ZMYND11: variants seen among roughly 807,000 people sequenced by gnomAD.
ZMYND11 encodes the protein zinc finger MYND domain-containing protein 11.
ZMYND11 carries 9 observed loss-of-function variants against 84.9 expected under a neutral mutation model. The observed-to-expected ratio is 0.11, with a 90% confidence interval of 0.06 to 0.18. The LOEUF (loss-of-function observed/expected upper bound fraction) is 0.18. Ranked by LOEUF, ZMYND11 falls within the 10% of genes least tolerant of loss-of-function variation. The pLI is 1.00. For missense variants in ZMYND11, 409 were observed against 761.0 expected, an observed-to-expected ratio of 0.54 and a Z score of 5.44; for synonymous variants, 250 against 244.1, an observed-to-expected ratio of 1.02 and a Z score of -0.23.
chr10:215,783 C>T (rs561097336), intron 3 of ZMYND11, among the ~76,000 whole-genome samples: 51 of 152,156 alleles, frequency 3.4e-4, no homozygotes, highest in Non-Finnish European at 6.8e-4. Flanking sequence ...GTCTTGAACT[C>T]CTGGCTTCAA....
intron 1 of ZMYND11, among the ~76,000 whole-genome samples, chr10:174,210 C>T (rs1424646061): frequency 3.3e-5 from 5 of 152,086 alleles, no homozygotes; most frequent in Admixed American, 3.3e-4. Context: ...GAATGTTATT[C>T]AGTACTAAAA....
chr10:184,892 T>G (rs1220843580), intron 2 of ZMYND11, among the ~76,000 whole-genome samples: 1 of 137,562 alleles, frequency 7.3e-6, no homozygotes, highest in Non-Finnish European at 1.6e-5. Context: ...TTCTCCATCT[T>G]TTCCCCGTTT....
chr10:182,666 A>G (rs1294382327), intron 2 of ZMYND11, among the ~76,000 whole-genome samples: 1 of 152,152 alleles, frequency 6.6e-6, no homozygotes, highest in African/African-American at 2.4e-5. Flanking sequence ...CACATTTGTC[A>G]TTGTTTCCCT....
intron 2 of ZMYND11, among the ~76,000 whole-genome samples, chr10:189,522 T>G (rs1409674524): frequency 6.6e-6 from 1 of 151,688 alleles, no homozygotes; most frequent in Non-Finnish European, 1.5e-5. Context: ...CTATATTGAT[T>G]GTTTCTTACA....
intron 2 of ZMYND11, among the ~76,000 whole-genome samples, chr10:201,440 C>G (rs1943121686): frequency 6.6e-6 from 1 of 152,100 alleles, no homozygotes; most frequent in African/African-American, 2.4e-5. Context: ...CCAATATATT[C>G]ATTTCAAATG....
At chr10:174,193 G>C (rs1554766379) in intron 1 of ZMYND11, among the ~76,000 whole-genome samples, 1 of 152,148 alleles carries the variant, frequency 6.6e-6, no homozygotes, top group Non-Finnish European at 1.5e-5. Flanking sequence ...GTTATATGCA[G>C]CCAGTGGAAT....
rs577385222 is a variant in ZMYND11 at position 210,118 on chromosome 10, C to G, written c.276+70C>G. On this transcript the variant is annotated intron_variant, in intron 3 of 14. Transcript: ENST00000381604. ...CTTTTAAACATTATTTAGATACAAC[C>G]TATAGAAAATCATTTTCAGAAGTTT... 7.3e-6 allele frequency: 11 copies of G among 1,499,306 alleles called. No homozygotes were observed. In the Admixed American group the frequency reaches 1.2e-4, roughly 16 times the overall value. The allele number at this position is 1,499,306 out of a possible 1,614,324, so 92.9% of individuals were successfully genotyped here.
chr10:216,685 T>A (rs1036297755), intron 3 of ZMYND11, among the ~76,000 whole-genome samples: 5 of 152,204 alleles, frequency 3.3e-5, no homozygotes. Context: ...ATTTAAACTA[T>A]AATATACTTA....
chr10:161,176 C>A (rs1554761730), intron 1 of ZMYND11, among the ~76,000 whole-genome samples: 2 of 152,018 alleles, frequency 1.3e-5, no homozygotes, highest in Non-Finnish European at 2.9e-5. Flanking sequence ...ATGTTAGCCA[C>A]ATGAAAATAA....
chr10:211,401 A>G (rs1005385383), intron 3 of ZMYND11, among the ~76,000 whole-genome samples: 8 of 152,272 alleles, frequency 5.3e-5, no homozygotes, highest in Middle Eastern at 6.8e-3. Flanking sequence ...TAAAAATGAC[A>G]TAGAATCTTA....
chr10:229,722 G>C (rs1589120669), intron 4 of ZMYND11, among the ~76,000 whole-genome samples: 1 of 152,194 alleles, frequency 6.6e-6, no homozygotes, highest in Non-Finnish European at 1.5e-5. Flanking sequence ...GATTTTCACT[G>C]ATGGGCTACT....
At chr10:162,868 T>C (rs1843219650) in intron 1 of ZMYND11, among the ~76,000 whole-genome samples, 2 of 152,180 alleles carry the variant, frequency 1.3e-5, no homozygotes, top group Non-Finnish European at 2.9e-5. Flanking sequence ...GCCCCTTTCC[T>C]AAGCCTGGTC....
chr10:200,344 A>T (rs1311014047), intron 2 of ZMYND11, among the ~76,000 whole-genome samples: 3 of 145,876 alleles, frequency 2.1e-5, no homozygotes, highest in Non-Finnish European at 4.5e-5. Flanking sequence ...TATATAACAT[A>T]TATACATATA....
chr10:151,326 A>G (rs1458590906), intron 1 of ZMYND11, among the ~76,000 whole-genome samples: 2 of 152,234 alleles, frequency 1.3e-5, no homozygotes, highest in Non-Finnish European at 2.9e-5. Context: ...AAAAAAGATT[A>G]GACGGATGGC....
chr10:208,123 T>G (rs983187649), intron 2 of ZMYND11, among the ~76,000 whole-genome samples: 26 of 152,314 alleles, frequency 1.7e-4, no homozygotes, highest in Non-Finnish European at 3.5e-4. Context: ...GATCCCTTCC[T>G]TACACCTTAT....
At chr10:138,412 C>G (rs949282988) in intron 1 of ZMYND11, among the ~76,000 whole-genome samples, 1 of 152,046 alleles carries the variant, frequency 6.6e-6, no homozygotes, top group East Asian at 1.9e-4. Flanking sequence ...CCACCGCACC[C>G]GGCCCTGTTG....
intron 2 of ZMYND11, among the ~76,000 whole-genome samples, chr10:189,426 C>G (rs1939709406): frequency 6.6e-6 from 1 of 152,152 alleles, no homozygotes; most frequent in South Asian, 2.1e-4. Context: ...GAAATAAGTT[C>G]ATTAAAAAAC....
upstream of ZMYND11, chr10:134,788 T>TA (rs1335213734): frequency 1.3e-5 from 2 of 152,242 alleles, no homozygotes; most frequent in Non-Finnish European, 2.9e-5. Context: ...CGCCTGCACG[T>TA]ACGTAGCCTT....
intron 14 of ZMYND11, among the ~76,000 whole-genome samples, chr10:250,125 T>TA (rs1348904790): frequency 6.6e-6 from 1 of 152,218 alleles, no homozygotes; most frequent in Non-Finnish European, 1.5e-5. Context: ...TCGTAAGGTT[T>TA]TGAGGAGCTG....
Sources: allele counts gnomAD v4.1 joint callset (sites outside exome capture counted in the v4.1 genomes callset), GRCh38; gene constraint gnomAD v4.1.1; transcripts MANE v1.5; gene names NCBI Gene and HGNC (gene_info 2026-07-23, HGNC 2026-07-21).